CFAP58: variants seen among roughly 807,000 people sequenced by gnomAD.
CFAP58 encodes the protein cilia and flagella associated protein 58, also known as cilia- and flagella-associated protein 58.
In CFAP58, 88 loss-of-function variants were observed where a neutral mutation model predicts 119.5. The ratio of observed to expected loss-of-function variants is 0.74; its 90% CI spans 0.62 to 0.88. The LOEUF is 0.88. CFAP58 is among the 40% of genes least tolerant of loss of function. CFAP58 has a pLI of 0.00. For missense variants in CFAP58, 990 were observed against 1,021.2 expected (o/e 0.97, Z 0.42); for synonymous variants, 365 against 366.3 (o/e 1.00, Z 0.04).
intron 1 of CFAP58, among the ~76,000 whole-genome samples, chr10:104,357,954 T>TAC (rs1261972496): frequency 9.3e-6 from 1 of 107,864 alleles, no homozygotes; most frequent in African/African-American, 5.8e-5. Context: ...TACACATATA[T>TAC]ACACATATAT....
chr10:104,424,870 G>A (rs2012718210), intron 15 of CFAP58, among the ~76,000 whole-genome samples: 1 of 152,182 alleles, frequency 6.6e-6, no homozygotes, highest in Non-Finnish European at 1.5e-5. Flanking sequence ...TGTTTGGACT[G>A]GGCCTTGAGG....
At chr10:104,362,760 TC>T (rs1199862074) in intron 3 of CFAP58, among the ~76,000 whole-genome samples, 1 of 152,182 alleles carries the variant, frequency 6.6e-6, no homozygotes, top group Non-Finnish European at 1.5e-5. Flanking sequence ...CTTTCTTTAT[TC>T]CATCATTGCT....
chr10:104,367,930 G>A (rs2014773193), intron 5 of CFAP58, among the ~76,000 whole-genome samples: 1 of 152,214 alleles, frequency 6.6e-6, no homozygotes, highest in Non-Finnish European at 1.5e-5. Context: ...TTCGACTTAA[G>A]TTAGATTAAA....
chr10:104,454,383 G>A (rs779694960), intron 17 of CFAP58, 39 bp from the exon 18 acceptor site: 31 of 1,483,720 alleles, frequency 2.1e-5, no homozygotes, highest in African/African-American at 5.5e-5. Flanking sequence ...TAGACAAAAA[G>A]GATGTTAAGG....
intron 17 of CFAP58, among the ~76,000 whole-genome samples, chr10:104,450,735 G>T (rs532748080): frequency 6.8e-6 from 1 of 147,746 alleles, no homozygotes; most frequent in African/African-American, 2.5e-5. Context: ...TGTAGCAACA[G>T]GGTCTTGGTA....
rs377507907 is a variant in CFAP58, at chr10:104,400,719, C to T, written c.1855C>T (p.Arg619Trp). ...AGATATCCTGGGGTCTCAGCTTGTT[C>T]GGCGCAATGATGAGTTAGCTTTGCT... is the stretch of plus-strand genomic sequence containing the variant. Reference protein sequence around the residue: ...ERDILGSQLVRRNDELALLYE... With the variant: ...ERDILGSQLVWRNDELALLYE... The change falls in exon 13 of 18, where the codon CGG becomes TGG. Residue 619 changes from arginine to tryptophan, a missense_variant. By Grantham distance (101) the Arg-to-Trp change is moderately radical. Transcript: ENST00000369704. The T allele has an allele frequency of 1.4e-4, 224 of 1,614,012 alleles. 1 individual carries two copies. In the East Asian group the frequency reaches 2.4e-3, roughly 17 times the overall value.
At chr10:104,400,600 C>A (rs1224894918) in intron 12 of CFAP58, 80 bp from the exon 13 acceptor site, 2 of 1,147,388 alleles carry the variant, frequency 1.7e-6, no homozygotes, top group Non-Finnish European at 2.6e-6. Flanking sequence ...AATAGATACT[C>A]ATTGAATGAA....
At chr10:104,361,360 T>C (rs2014663945) in intron 2 of CFAP58, among the ~76,000 whole-genome samples, 1 of 152,204 alleles carries the variant, frequency 6.6e-6, no homozygotes, top group Non-Finnish European at 1.5e-5. Context: ...ACCAAGGTTG[T>C]TGGGTACAAT....
intron 15 of CFAP58, among the ~76,000 whole-genome samples, chr10:104,429,061 C>G (rs956604297): frequency 5.9e-5 from 9 of 152,206 alleles, no homozygotes; most frequent in Non-Finnish European, 1.3e-4. Context: ...CAGCTCCATT[C>G]TGTACAGTTC....
In CFAP58 at chr10:104,380,497, C is replaced by T. The variant is rs117607136; in HGVS notation, c.1365+277C>T. Among the ~76,000 whole-genome samples the T allele has an allele frequency of 6.8e-3, 1,036 of 152,260 alleles. 20 individuals carry two copies. Among genetic ancestry groups the T allele is most frequent in the Admixed American group, 0.035 (536 of 15,298 alleles). ...GTTCTCCCTCTTCTCTGTTGCCATG[C>T]TGTGCAGCATCCCTGGGCTGGCACC... On this transcript the variant is annotated intron_variant, in intron 9 of 17. Coordinates refer to ENST00000369704, the MANE Select transcript of CFAP58 (RefSeq NM_001008723.2).
intron 9 of CFAP58, among the ~76,000 whole-genome samples, chr10:104,384,039 C>T (rs1000156035): frequency 3.2e-4 from 48 of 152,006 alleles, no homozygotes; most frequent in African/African-American, 1.1e-3. Flanking sequence ...ATAATGAGAA[C>T]TAGGAATCAG....
chr10:104,385,460 G>T (rs1295910200), intron 9 of CFAP58, among the ~76,000 whole-genome samples: 1 of 151,548 alleles, frequency 6.6e-6, no homozygotes, highest in Non-Finnish European at 1.5e-5. Flanking sequence ...AAAGAAAAAA[G>T]AAAAAAAAGG....
intron 15 of CFAP58, among the ~76,000 whole-genome samples, chr10:104,408,588 TTGTTAGTTTTAAAAAGAACCA>T (rs2012403920): frequency 6.6e-6 from 1 of 152,210 alleles, no homozygotes; most frequent in African/African-American, 2.4e-5. Flanking sequence ...TATCACCACT[TTGTTAGTTTTAAAAAGAACCA>T]AATCTTATGT....
chr10:104,389,261 T>C (rs2011986167), intron 9 of CFAP58, among the ~76,000 whole-genome samples: 2 of 152,230 alleles, frequency 1.3e-5, no homozygotes, highest in Non-Finnish European at 2.9e-5. Flanking sequence ...TTTATCTTCT[T>C]GGTGTCCTGA....
At chr10:104,392,170 G>A in intron 9 of CFAP58, 63 bp from the exon 10 acceptor site, 6 of 1,462,592 alleles carry the variant, frequency 4.1e-6, no homozygotes, top group Non-Finnish European at 5.6e-6. Flanking sequence ...AACTCCATTT[G>A]TCCTGAACCA....
intron 7 of CFAP58, among the ~76,000 whole-genome samples, chr10:104,373,713 A>G (rs1424794684): frequency 6.6e-6 from 1 of 152,226 alleles, no homozygotes; most frequent in Non-Finnish European, 1.5e-5. Flanking sequence ...CTCCAGAAGA[A>G]TAAACATATG....
intron 15 of CFAP58, among the ~76,000 whole-genome samples, chr10:104,428,016 T>A (rs1317707650): frequency 1.3e-5 from 2 of 152,170 alleles, no homozygotes; most frequent in African/African-American, 4.8e-5. Flanking sequence ...CGTAAGCACA[T>A]GGAGAGGCTC....
chr10:104,361,297 A>T (rs1165292245), intron 2 of CFAP58, among the ~76,000 whole-genome samples: 1 of 152,224 alleles, frequency 6.6e-6, no homozygotes, highest in Non-Finnish European at 1.5e-5. Flanking sequence ...TTTCTCCCAT[A>T]TATAAGCATT....
the CFAP58 span, among the ~76,000 whole-genome samples, chr10:104,339,368 C>T: frequency 5.3e-5 from 8 of 152,222 alleles, no homozygotes; most frequent in Non-Finnish European, 1.0e-4. Context: ...GGAGCAGCAG[C>T]AGCGTTCTGG....
Sources: gnomAD v4.1 joint callset for allele counts (sites outside exome capture counted in the v4.1 genomes callset) on GRCh38, gnomAD v4.1.1 for gene constraint, MANE v1.5 for transcripts, NCBI Gene and HGNC (gene_info 2026-07-23, HGNC 2026-07-21) for gene names.